Variants in UNC5CL observed in about 807,000 individuals in gnomAD.
The protein encoded by UNC5CL is UNC5C-like protein.
A neutral mutation model predicts 54.1 loss-of-function variants in UNC5CL; 42 were observed. The ratio of observed to expected loss-of-function variants is 0.78; its 90% confidence interval spans 0.61 to 1.00. The LOEUF is 1.00. Ranked by LOEUF, UNC5CL falls within the 50% of genes least tolerant of loss-of-function variation. The pLI is 0.00. For synonymous variants in UNC5CL, 285 were observed against 285.1 expected (o/e 1.00, Z 0.00); for missense variants, 619 against 675.6 (o/e 0.92, Z 0.93).
chr6:41,035,302 T>G (rs752396049), intron 1 of UNC5CL, among the ~76,000 whole-genome samples, 167 bp from the exon 2 acceptor site: 1 of 152,192 alleles, frequency 6.6e-6, no homozygotes, highest in African/African-American at 2.4e-5. Flanking sequence ...CTACCCTGGC[T>G]CCCCGTGACC....
In UNC5CL at chr6:41,028,956, C is replaced by T. The variant is rs7453692; in HGVS notation, c.1335-361G>A. Among the ~76,000 whole-genome samples the T allele has an allele frequency of 2.1e-5, 2 of 96,998 alleles. No homozygotes were observed. Among genetic ancestry groups the T allele is most frequent in the African/African-American group, 4.2e-5 (1 of 24,094 alleles). The allele number at this position is 96,998 out of a possible 152,430, so 63.6% of individuals were successfully genotyped here. ...AAATACACCCCTAGCCTCCCCCTAG[C>T]CTCCTAACTCCCTCCTTCCTCCCTC... On this transcript the variant is annotated intron_variant, in intron 8 of 8. Coordinates refer to ENST00000244565, the MANE Select transcript of UNC5CL (RefSeq NM_173561.3). This position sits in a 1 kb window ranked among gnomAD's most constrained non-coding sequence, Gnocchi z 4.3.
chr6:41,036,207 A>C (rs1023785230), intron 1 of UNC5CL, among the ~76,000 whole-genome samples: 3 of 152,254 alleles, frequency 2.0e-5, no homozygotes, highest in African/African-American at 7.2e-5. Flanking sequence ...AATATATTCA[A>C]AATGTTATTT....
At chr6:41,030,054 C>A (rs1306800540) in intron 8 of UNC5CL, among the ~76,000 whole-genome samples, 1 of 152,182 alleles carries the variant, frequency 6.6e-6, no homozygotes, top group African/African-American at 2.4e-5. Flanking sequence ...GTCAGGCACC[C>A]AGCTACATGC....
Position 41,034,072 on chromosome 6 carries a change from T to A in UNC5CL, c.495A>T (p.Ala165=), listed in dbSNP as rs2114009718. ...GGAAGGAGGCCCCATGGGGGCCACA[T>A]GCCACCACAGGGCTTACCAGCCCCT... ...QAQGLVSPVV[A]CGPHGASFLK... is the part of the protein sequence containing the mutation. Residue 165 remains alanine (A), a synonymous_variant, in exon 3 of 9, where the codon GCA becomes GCT. Transcript: ENST00000244565. 13 of 1,614,176 alleles carry A rather than the reference T, an allele frequency of 8.1e-6. No homozygotes were observed. The highest frequency in any genetic ancestry group is 1.1e-5 in the Non-Finnish European group (13 of 1,180,016).
At chr6:41,030,104 A>G (rs1036888631) in intron 8 of UNC5CL, among the ~76,000 whole-genome samples, 3 of 152,200 alleles carry the variant, frequency 2.0e-5, no homozygotes, top group Non-Finnish European at 4.4e-5. Flanking sequence ...GCTCCTCCTC[A>G]GGGCATAGCA....
rs749283650 is a variant in UNC5CL, at chr6:41,028,489, G to C, written c.1441C>G (p.Leu481Val). Reference sequence around the variant, plus strand: ...TTCTGGATGGCGGAGGCGCAGTCTAGCCGCTCCATGACGGTCATGAGGTAG... The same window carrying C: ...TTCTGGATGGCGGAGGCGCAGTCTACCCGCTCCATGACGGTCATGAGGTAG... ...LHYLMTVMERLDCASAIQNYL... is the reference protein window; with the variant it reads ...LHYLMTVMERVDCASAIQNYL... The change falls in exon 9 of 9, where the codon CTA becomes GTA. Residue 481 changes from leucine to valine, a missense_variant. By Grantham distance (32) the Leu-to-Val change is conservative (BLOSUM62 1). Transcript: ENST00000244565. The surrounding 1 kb of genome is among the most constrained non-coding windows in gnomAD (Gnocchi z 4.3). The C allele has an allele frequency of 6.2e-7, 1 of 1,613,852 alleles. No individual in the cohort carries two copies. Among genetic ancestry groups the C allele is most frequent in the Non-Finnish European group, 8.5e-7 (1 of 1,180,016 alleles).
chr6:41,033,364 GGA>G (rs1762479134), intron 3 of UNC5CL, among the ~76,000 whole-genome samples: 1 of 152,220 alleles, frequency 6.6e-6, no homozygotes, highest in African/African-American at 2.4e-5. Flanking sequence ...AGCTGGCAGG[GGA>G]GAGAGGGAAA....
Position 41,028,269 on chromosome 6 carries a change from G to A in UNC5CL, c.*104C>T. On this transcript the variant is annotated 3_prime_UTR_variant, in exon 9 of 9. Transcript: ENST00000244565. The surrounding 1 kb of genome is among the most constrained non-coding windows in gnomAD (Gnocchi z 4.3). ...CCCTGGCACCGTCCGAGGGTTCTGG[G>A]AAGGGTGGTGGGCACAGCCAGGAAC... is the stretch of plus-strand genomic sequence containing the variant. The A allele has an allele frequency of 3.2e-6, 4 of 1,240,724 alleles. No homozygotes were observed. Among genetic ancestry groups the A allele is most frequent in the Non-Finnish European group, 3.3e-6 (3 of 919,040 alleles). 76.9% of individuals were successfully genotyped at this position (1,240,724 alleles called of 1,614,324 possible).
Position 41,029,276 on chromosome 6 carries a change from C to A in UNC5CL, c.1335-681G>T, listed in dbSNP as rs565799982. Among the ~76,000 whole-genome samples, 5 of 152,228 alleles carry A rather than the reference C, an allele frequency of 3.3e-5. No individual in the cohort carries two copies. The highest frequency in any genetic ancestry group is 7.3e-5 in the Non-Finnish European group (5 of 68,048). On this transcript the variant is annotated intron_variant, in intron 8 of 8. Coordinates refer to ENST00000244565, the MANE Select transcript of UNC5CL (RefSeq NM_173561.3). This position sits in a 1 kb window ranked among gnomAD's most constrained non-coding sequence, Gnocchi z 4.1. ...CCCAAAACAAAATGGCTGATCTCTTCCCCATCACTTCCTCCCTGAAGCCCT... is the reference window on the plus strand; with the variant it reads ...CCCAAAACAAAATGGCTGATCTCTTACCCATCACTTCCTCCCTGAAGCCCT...
chr6:41,034,008 G>A lies in UNC5CL; in HGVS notation c.559C>T (p.Gln187Ter). 1.9e-6 allele frequency: 3 copies of A among 1,614,180 alleles called. No homozygotes were observed. The highest frequency in any genetic ancestry group is 1.6e-4 in the Middle Eastern group (1 of 6,062). ...CTGTAGGTGCGAGCATGGCTGGGCT[G>A]CTCGGCACAGTGTTTGAACGTGAGA... ...CTLTFKHCAEQPSHARTYSSN... is the reference protein window; with the variant it reads ...CTLTFKHCAE The change falls in exon 3 of 9, where the codon CAG becomes TAG. Residue 187 changes from glutamine to a stop codon, truncating the protein, a stop_gained. Transcript: ENST00000244565. LOFTEE classifies it high-confidence loss of function.
rs1361920937 is a variant in UNC5CL at position 41,033,061 on chromosome 6, G to A, written c.772C>T (p.Pro258Ser). ...CGCAGTTGCAGATGGGACTGTCCTGGCACCAGCGGTGAGCAGAATACGGCC... is the reference window on the plus strand; with the variant it reads ...CGCAGTTGCAGATGGGACTGTCCTGACACCAGCGGTGAGCAGAATACGGCC... ...QLAVFCSPLV[P>S]GQSHLQLRIY... is the part of the protein sequence containing the mutation. Residue 258 changes from proline (P) to serine (S), a missense_variant, in exon 4 of 9, where the codon CCA becomes TCA. Pro to Ser is a moderately conservative substitution (Grantham distance 74). Coordinates refer to ENST00000244565, the MANE Select transcript of UNC5CL (RefSeq NM_173561.3). 1 of 1,612,920 alleles carries A rather than the reference G, an allele frequency of 6.2e-7. No individual in the cohort carries two copies.
rs1474367143 is a variant in UNC5CL at position 41,027,259 on chromosome 6, C to T, written c.*1114G>A. 2.6e-5 allele frequency: 4 copies of T among 152,152 alleles called. No homozygotes were observed. Among genetic ancestry groups the T allele is most frequent in the East Asian group, 3.9e-4 (2 of 5,192 alleles). The allele number at this position is 152,152 out of a possible 1,614,324, so 9.4% of individuals were successfully genotyped here. On this transcript the variant is annotated 3_prime_UTR_variant, in exon 9 of 9. Transcript: ENST00000244565. ...CTGTCTCTTTCAACAGTCTTTGATA[C>T]ATAACATTGGTTTAGAGACATATGC...
chr6:41,033,809 A>G (rs1436935181), intron 3 of UNC5CL, 72 bp downstream of exon 3: 2 of 1,508,562 alleles, frequency 1.3e-6, no homozygotes, highest in Non-Finnish European at 1.8e-6. Context: ...TAAGGCAGAC[A>G]GAGAAAGTGG....
Position 41,031,699 on chromosome 6 carries a change from G to A in UNC5CL, c.1101C>T (p.Thr367=). 3 of 1,614,194 alleles carry A rather than the reference G, an allele frequency of 1.9e-6. No individual in the cohort carries two copies. The highest frequency in any genetic ancestry group is 2.5e-6 in the Non-Finnish European group (3 of 1,180,028). The part of the protein sequence containing the change: ...CSALTNEIIV[T]MHTFQDGLET... ...AACTCACATCCTGGAAGGTGTGCAT[G>A]GTGACAATGATCTCATTGGTTAGTG... The change falls in exon 6 of 9, where the codon ACC becomes ACT. Residue 367 remains threonine (T), a synonymous_variant. Coordinates refer to ENST00000244565, the MANE Select transcript of UNC5CL (RefSeq NM_173561.3).
rs1484407279 is a variant in UNC5CL, at chr6:41,029,797, T to C, written c.1334+591A>G. 1.3e-5 allele frequency among the ~76,000 whole-genome samples: 2 copies of C among 152,176 alleles called. No homozygotes were observed. Among genetic ancestry groups the C allele is most frequent in the South Asian group, 4.2e-4 (2 of 4,816 alleles). On this transcript the variant is annotated intron_variant, in intron 8 of 8. Transcript: ENST00000244565. The surrounding 1 kb of genome is among the most constrained non-coding windows in gnomAD (Gnocchi z 4.1). ...GTTGCAGTGAGCCAAGATTGCGCCATTGCACTCCAGCCTGGGCGACAGAGC... is the reference window on the plus strand; with the variant it reads ...GTTGCAGTGAGCCAAGATTGCGCCACTGCACTCCAGCCTGGGCGACAGAGC...
At chr6:41,034,330 A>G (rs1762492644) in intron 2 of UNC5CL, 149 bp from the exon 3 acceptor site, 1 of 965,356 alleles carries the variant, frequency 1.0e-6, no homozygotes, top group African/African-American at 1.6e-5. Flanking sequence ...GAACAAGAGT[A>G]AGACGACTGT....
Position 41,028,293 on chromosome 6 carries a change from A to C in UNC5CL, c.*80T>G. Reference sequence around the variant, plus strand: ...GGAAGGGTGGTGGGCACAGCCAGGAACAGCTGCTGTGTTCCTCTTAGGCGT... The same window carrying C: ...GGAAGGGTGGTGGGCACAGCCAGGACCAGCTGCTGTGTTCCTCTTAGGCGT... On this transcript the variant is annotated 3_prime_UTR_variant, in exon 9 of 9. Transcript: ENST00000244565. This position sits in a 1 kb window ranked among gnomAD's most constrained non-coding sequence, Gnocchi z 4.3. 13 of 1,342,572 alleles carry C rather than the reference A, an allele frequency of 9.7e-6. No homozygotes were observed. The highest frequency in any genetic ancestry group is 1.1e-5 in the Non-Finnish European group (11 of 1,001,794). The allele number at this position is 1,342,572 out of a possible 1,614,324, so 83.2% of individuals were successfully genotyped here. A position where few individuals can be genotyped will look rare whatever the true frequency, so the allele number is the denominator to read the frequency against.
rs1377749898 is a variant in UNC5CL, at chr6:41,034,868, C to T, written c.207G>A (p.Leu69=). 3.1e-6 allele frequency: 5 copies of T among 1,614,116 alleles called. No homozygotes were observed. Among genetic ancestry groups the T allele is most frequent in the Admixed American group, 1.7e-5 (1 of 60,008 alleles). ...CAACCATCTCTGGCAGTGTGGCTGG[C>T]AGGTGCTGCCTTGAGACCTCATTTT... ...QLENEVSRQH[L]PATLPEMVAF... is the part of the protein sequence containing the mutation. The change falls in exon 2 of 9, where the codon CTG becomes CTA. Residue 69 remains leucine (L), a synonymous_variant. Coordinates refer to ENST00000244565, the MANE Select transcript of UNC5CL (RefSeq NM_173561.3).
At position 41,032,855 on chromosome 6, in the gene UNC5CL, C is replaced by T. The variant is rs371843668; in HGVS notation, c.949+29G>A. The T allele has an allele frequency of 1.6e-3, 2,499 of 1,563,188 alleles. 54 individuals are homozygous for T. In the South Asian group the frequency reaches 0.025, roughly 15 times the overall value. ...TCATTCCTGTGGGGCTCCCGATCAT[C>T]CTATCCCACAGGCCACTGCCTCCCT... On this transcript the variant is annotated intron_variant, in intron 4 of 8. Transcript: ENST00000244565.
Sources: allele counts gnomAD v4.1 joint callset (sites outside exome capture counted in the v4.1 genomes callset), GRCh38; gene constraint gnomAD v4.1.1; non-coding constraint Gnocchi (gnomAD v3.1); transcripts MANE v1.5; gene names NCBI Gene and HGNC (gene_info 2026-07-23, HGNC 2026-07-21).